Variants in WWOX observed in about 807,000 individuals in gnomAD.
WWOX encodes WW domain containing oxidoreductase.
WWOX carries 69 observed loss-of-function variants against 46.2 expected under a neutral mutation model. That is an observed-to-expected ratio of 1.49 (90% CI 1.23 to 1.82). The LOEUF is 1.82. Ranked by LOEUF, WWOX falls within the 40% of genes most tolerant of loss-of-function variation. WWOX has a pLI of 0.00. For synonymous variants in WWOX, 359 were observed against 202.6 expected, an observed-to-expected ratio of 1.77 and a Z score of -6.56; for missense variants, 919 against 542.6, an observed-to-expected ratio of 1.69 and a Z score of -6.89.
At chr16:78,570,999 G>T (rs533132299) in intron 8 of WWOX, among the ~76,000 whole-genome samples, 116 of 152,152 alleles carry the variant, frequency 7.6e-4, no homozygotes, top group Non-Finnish European at 1.5e-3. Flanking sequence ...TTGCTGAAGA[G>T]ACTATGTTGC....
In WWOX at chr16:78,882,558, C is replaced by T. The variant is rs376647905; in HGVS notation, c.1057-329050C>T. Among the ~76,000 whole-genome samples, 4 of 151,848 alleles carry T rather than the reference C, an allele frequency of 2.6e-5. No individual in the cohort carries two copies. The East Asian group carries it at 7.8e-4, about 30-fold the overall frequency. On this transcript the variant is annotated intron_variant, in intron 8 of 8. Coordinates refer to ENST00000566780, the MANE Select transcript of WWOX (RefSeq NM_016373.4). Reference sequence around the variant, plus strand: ...TTGGTGGGATCTCAGCTCACTGCACCCTCCTTCTCCCAGGTTCAAGTGATC... The same window carrying T: ...TTGGTGGGATCTCAGCTCACTGCACTCTCCTTCTCCCAGGTTCAAGTGATC...
At chr16:78,603,660 C>G (rs956095798) in intron 8 of WWOX, among the ~76,000 whole-genome samples, 2 of 152,078 alleles carry the variant, frequency 1.3e-5, no homozygotes, top group South Asian at 2.1e-4. Flanking sequence ...TGCCACTGCA[C>G]TCCAACCTGG....
chr16:78,850,350 C>T (rs1360954826), intron 8 of WWOX, among the ~76,000 whole-genome samples: 1 of 152,194 alleles, frequency 6.6e-6, no homozygotes, highest in African/African-American at 2.4e-5. Context: ...TACTACATCC[C>T]GAGTGTTTCA....
At chr16:79,098,721 A>G (rs1332795565) in intron 8 of WWOX, among the ~76,000 whole-genome samples, 1 of 152,238 alleles carries the variant, frequency 6.6e-6, no homozygotes, top group Non-Finnish European at 1.5e-5. Flanking sequence ...AACATAAATG[A>G]GTAGAGGCAG....
At chr16:78,942,715 G>C (rs2045876288) in intron 8 of WWOX, among the ~76,000 whole-genome samples, 1 of 152,134 alleles carries the variant, frequency 6.6e-6, no homozygotes, top group Non-Finnish European at 1.5e-5. Flanking sequence ...TGAACTTGAT[G>C]GTCATCGCAA....
intron 8 of WWOX, among the ~76,000 whole-genome samples, chr16:78,992,218 C>A (rs1470498973): frequency 1.3e-5 from 2 of 152,306 alleles, no homozygotes; most frequent in East Asian, 3.9e-4. Flanking sequence ...TTCTTCTAGG[C>A]TTTGTGGACC....
chr16:79,045,201 C>G (rs2048042157), intron 8 of WWOX, among the ~76,000 whole-genome samples: 2 of 152,106 alleles, frequency 1.3e-5, no homozygotes, highest in Non-Finnish European at 2.9e-5. Flanking sequence ...GCATTAGAAC[C>G]AAGTTCTTAT....
At chr16:78,708,781 A>G (rs1216619139) in intron 8 of WWOX, among the ~76,000 whole-genome samples, 1 of 152,226 alleles carries the variant, frequency 6.6e-6, no homozygotes, top group Admixed American at 6.5e-5. Context: ...TGACAGAGGC[A>G]TAAGGCTCCT....
At chr16:78,703,003 C>G (rs2048257258) in intron 8 of WWOX, among the ~76,000 whole-genome samples, 1 of 152,134 alleles carries the variant, frequency 6.6e-6, no homozygotes, top group Non-Finnish European at 1.5e-5. Context: ...GCTCCCTTTC[C>G]TAAGAAAATT....
chr16:78,891,344 T>C (rs2044586654), intron 8 of WWOX: 1 of 152,188 alleles, frequency 6.6e-6, no homozygotes, highest in South Asian at 2.1e-4. Context: ...CTGTAAGGAC[T>C]CTAAACGATT....
intron 5 of WWOX, among the ~76,000 whole-genome samples, chr16:78,339,488 G>A (rs1400922264): frequency 1.7e-5 from 2 of 119,066 alleles, no homozygotes; most frequent in East Asian, 3.9e-4. Flanking sequence ...CCCTCACATT[G>A]TATCCTGGAA....
chr16:78,483,244 T>C (rs906036202), intron 8 of WWOX, among the ~76,000 whole-genome samples: 10 of 152,196 alleles, frequency 6.6e-5, no homozygotes, highest in Admixed American at 2.6e-4. Flanking sequence ...ACTCTGTCTT[T>C]ATTCTTTGAA....
chr16:78,514,822 C>T (rs144823134), intron 8 of WWOX, among the ~76,000 whole-genome samples: 30 of 152,224 alleles, frequency 2.0e-4, no homozygotes, highest in African/African-American at 7.2e-4. Flanking sequence ...TCAGAAAAGA[C>T]CAATGAATTA....
chr16:78,692,632 A>G (rs900611836), intron 8 of WWOX, among the ~76,000 whole-genome samples: 2 of 152,232 alleles, frequency 1.3e-5, no homozygotes, highest in African/African-American at 2.4e-5. Context: ...ATAAAACTTA[A>G]CAATTGTGGA....
intron 8 of WWOX, among the ~76,000 whole-genome samples, chr16:79,185,078 A>G (rs2050986724): frequency 6.6e-6 from 1 of 152,218 alleles, no homozygotes. Flanking sequence ...AGAGGTCTTG[A>G]GATAAGAAAA....
chr16:78,532,187 T>C (rs1395879482), intron 8 of WWOX, among the ~76,000 whole-genome samples: 1 of 152,010 alleles, frequency 6.6e-6, no homozygotes, highest in Non-Finnish European at 1.5e-5. Context: ...TGTTATAAAA[T>C]CATGTTTTTA....
chr16:78,432,955 A>G lies in WWOX; in HGVS notation c.1056+203A>G, dbSNP rs142402072. 1.2e-4 allele frequency among the ~76,000 whole-genome samples: 18 copies of G among 152,310 alleles called. 1 individual carries two copies. The highest frequency in any genetic ancestry group is 3.4e-3 in the Middle Eastern group (1 of 294). On this transcript the variant is annotated intron_variant, in intron 8 of 8. Transcript: ENST00000566780. Reference sequence around the variant, plus strand: ...GTAAATGCGTCTTGGAGGGCTGGGTAGAAGATGTGGGTTTCAGTATCATGT... The same window carrying G: ...GTAAATGCGTCTTGGAGGGCTGGGTGGAAGATGTGGGTTTCAGTATCATGT...
At chr16:78,814,404 G>A (rs2051277576) in intron 8 of WWOX, among the ~76,000 whole-genome samples, 1 of 151,596 alleles carries the variant, frequency 6.6e-6, no homozygotes, top group Non-Finnish European at 1.5e-5. Flanking sequence ...AAAATACGAT[G>A]TTTCTGTAAT....
chr16:79,007,744 A>C (rs765859662), intron 8 of WWOX, among the ~76,000 whole-genome samples: 2 of 152,218 alleles, frequency 1.3e-5, no homozygotes, highest in African/African-American at 4.8e-5. Context: ...CAAAACCAGG[A>C]TGTGAATGGA....
Sources: allele counts gnomAD v4.1 joint callset (sites outside exome capture counted in the v4.1 genomes callset), GRCh38; gene constraint gnomAD v4.1.1; transcripts MANE v1.5; gene names NCBI Gene and HGNC (gene_info 2026-07-23, HGNC 2026-07-21).